Variants in TRPC5 observed in about 807,000 individuals in gnomAD.
TRPC5 encodes short transient receptor potential channel 5.
In TRPC5, 9 loss-of-function variants were observed where a neutral mutation model predicts 56.5. The ratio of observed to expected loss-of-function variants is 0.16; its 90% confidence interval spans 0.10 to 0.28. The LOEUF is 0.28. TRPC5 is among the 10% of genes least tolerant of loss of function. The probability of loss-of-function intolerance (pLI) is 1.00; values close to 1 mark genes in which losing one functional copy is unlikely to be tolerated. For missense variants in TRPC5, 469 were observed against 748.9 expected, an observed-to-expected ratio of 0.63 and a Z score of 4.36; for synonymous variants, 282 against 278.5, an observed-to-expected ratio of 1.01 and a Z score of -0.13.
At chrX:111,871,436 G>T (rs1264055591) in intron 3 of TRPC5, among the ~76,000 whole-genome samples, 1 of 110,902 alleles carries the variant, frequency 9.0e-6, no homozygotes, top group Non-Finnish European at 1.9e-5. Context: ...CTGACCTGGG[G>T]TTCACATTCC....
At chrX:111,923,911 C>A (rs953876541) in intron 2 of TRPC5, among the ~76,000 whole-genome samples, 2 of 112,168 alleles carry the variant, frequency 1.8e-5, no homozygotes, top group African/African-American at 6.5e-5. Flanking sequence ...GTAGGTGGCC[C>A]TACTGTGGAG....
chrX:111,991,226 GC>G (rs201826847), intron 1 of TRPC5, among the ~76,000 whole-genome samples: 10,339 of 111,010 alleles, frequency 0.093, 868 homozygotes, highest in African/African-American at 0.26. Context: ...CAGTGGTCAT[GC>G]CAGTGGCTAG....
At chrX:111,926,394 A>C (rs947842184) in intron 2 of TRPC5, among the ~76,000 whole-genome samples, 2 of 111,910 alleles carry the variant, frequency 1.8e-5, no homozygotes, top group African/African-American at 6.5e-5. Flanking sequence ...TGACAATTAA[A>C]ATTTTAAAAA....
At chrX:112,025,058 A>C (rs1929378910) in intron 1 of TRPC5, among the ~76,000 whole-genome samples, 2 of 112,113 alleles carry the variant, frequency 1.8e-5, no homozygotes, top group African/African-American at 6.5e-5. Flanking sequence ...TACCAAATAC[A>C]ACACAAACCC....
rs1448987029 is a variant in TRPC5, at chrX:111,772,193, T to C, written c.*4120A>G. Among the ~76,000 whole-genome samples, 4 of 74,952 alleles carry C rather than the reference T, an allele frequency of 5.3e-5. No individual in the cohort carries two copies. The highest frequency in any genetic ancestry group is 2.0e-4 in the African/African-American group (4 of 20,334). 65.1% of individuals were successfully genotyped at this position (74,952 alleles called of 115,157 possible). A position where few individuals can be genotyped will look rare whatever the true frequency, so the allele number is the denominator to read the frequency against. On this transcript the variant is annotated 3_prime_UTR_variant, in exon 11 of 11. Transcript: ENST00000262839. ...GGGGTACTCAGATCCCACTGCCGAG[T>C]CCTACACCAACAAGGTGGATATTTG...
chrX:111,935,543 C>G (rs1475328066), intron 2 of TRPC5, among the ~76,000 whole-genome samples: 2 of 111,424 alleles, frequency 1.8e-5, no homozygotes, highest in Non-Finnish European at 3.8e-5. Context: ...AAATCTTTGC[C>G]CAGACCAATG....
At chrX:111,986,746 TCTTCCCAATAAATGC>T (rs1238236510) in intron 1 of TRPC5, among the ~76,000 whole-genome samples, 2 of 111,559 alleles carry the variant, frequency 1.8e-5, no homozygotes, top group African/African-American at 6.5e-5. Flanking sequence ...GGACCTCATC[TCTTCCCAATAAATGC>T]CTTCACTTTA....
At position 111,774,479 on chromosome X, in the gene TRPC5, ATTGAT is replaced by A. The variant is rs1945863054; in HGVS notation, c.*1829_*1833del. 8.9e-6 allele frequency: 1 copy of A among 111,793 alleles called. No individual in the cohort carries two copies. The allele number at this position is 111,793 out of a possible 1,213,427, so 9.2% of individuals were successfully genotyped here. A position where few individuals can be genotyped will look rare whatever the true frequency, so the allele number is the denominator to read the frequency against. ...ACAGTCTTAGCGAAGCAGGGGAGAA[ATTGAT>A]TTGAGTAAATAACCACTTCAGATAT... On this transcript the variant is annotated 3_prime_UTR_variant, in exon 11 of 11. Coordinates refer to ENST00000262839, the MANE Select transcript of TRPC5 (RefSeq NM_012471.3).
At chrX:111,937,158 G>C (rs1926609873) in intron 2 of TRPC5, among the ~76,000 whole-genome samples, 1 of 106,345 alleles carries the variant, frequency 9.4e-6, no homozygotes, top group African/African-American at 3.6e-5. Context: ...AGAAGTGTCT[G>C]TTCATGTCCT....
intron 10 of TRPC5, 130 bp from the exon 11 acceptor site, chrX:111,777,132 C>G: frequency 2.0e-6 from 1 of 506,723 alleles, no homozygotes; most frequent in Non-Finnish European, 3.0e-6. Flanking sequence ...AAAAATCTGC[C>G]ATTATTCAAA....
intron 7 of TRPC5, among the ~76,000 whole-genome samples, chrX:111,793,740 A>G (rs1427794995): frequency 2.7e-5 from 3 of 112,074 alleles, no homozygotes; most frequent in Non-Finnish European, 5.6e-5. Context: ...TCCACTCAAA[A>G]ACTTGTATAC....
chrX:112,031,793 A>G (rs1311940584), intron 1 of TRPC5, among the ~76,000 whole-genome samples: 3 of 109,650 alleles, frequency 2.7e-5, no homozygotes, highest in Non-Finnish European at 5.7e-5. Context: ...TCTTTTACTT[A>G]GCATAATGTT....
chrX:111,926,324 G>A (rs1420165620), intron 2 of TRPC5, among the ~76,000 whole-genome samples: 1 of 111,773 alleles, frequency 8.9e-6, no homozygotes, highest in Non-Finnish European at 1.9e-5. Flanking sequence ...TTGGTGGGAT[G>A]TTGAGTTTGA....
chrX:111,932,475 T>C (rs758028055), intron 2 of TRPC5, among the ~76,000 whole-genome samples: 32 of 104,907 alleles, frequency 3.1e-4, no homozygotes, highest in African/African-American at 1.1e-3. Flanking sequence ...AGAAGACAGA[T>C]GAAAGAAGAG....
chrX:111,769,737 C>G lies in TRPC5; in HGVS notation c.*6576G>C, dbSNP rs1468225576. Among the ~76,000 whole-genome samples the G allele has an allele frequency of 8.9e-6, 1 of 111,928 alleles. No homozygotes were observed. The highest frequency in any genetic ancestry group is 1.9e-5 in the Non-Finnish European group (1 of 53,127). On this transcript the variant is annotated 3_prime_UTR_variant, in exon 11 of 11. Transcript: ENST00000262839. Reference sequence around the variant, plus strand: ...TTTTATAATTGCACCTATCAAAGTGCCTATTGTGTAGTAGCACTTGAAAAT... The same window carrying G: ...TTTTATAATTGCACCTATCAAAGTGGCTATTGTGTAGTAGCACTTGAAAAT...
chrX:112,003,357 G>C (rs1928749731), intron 1 of TRPC5, among the ~76,000 whole-genome samples: 1 of 111,099 alleles, frequency 9.0e-6, no homozygotes, highest in African/African-American at 3.3e-5. Flanking sequence ...GATTTGAAGG[G>C]TCAGTAGGAG....
At chrX:111,986,061 T>C (rs1387989888) in intron 1 of TRPC5, among the ~76,000 whole-genome samples, 1 of 111,774 alleles carries the variant, frequency 8.9e-6, no homozygotes, top group Non-Finnish European at 1.9e-5. Flanking sequence ...CAAGGATAAA[T>C]GAGAAGACCT....
chrX:111,828,762 G>A (rs764735316), intron 7 of TRPC5, among the ~76,000 whole-genome samples: 13 of 111,632 alleles, frequency 1.2e-4, no homozygotes, highest in Non-Finnish European at 2.3e-4. Context: ...AGTTTGGAAC[G>A]TCCTAGAGAC....
chrX:112,043,939 C>T (rs1929960982), intron 1 of TRPC5, among the ~76,000 whole-genome samples: 1 of 109,601 alleles, frequency 9.1e-6, no homozygotes, highest in African/African-American at 3.3e-5. Context: ...CAGGATAAGA[C>T]AAAACTTTAG....
Sources: gnomAD v4.1 joint callset for allele counts (sites outside exome capture counted in the v4.1 genomes callset) on GRCh38, gnomAD v4.1.1 for gene constraint, MANE v1.5 for transcripts, NCBI Gene and HGNC (gene_info 2026-07-23, HGNC 2026-07-21) for gene names.